MTA3: variants seen among roughly 807,000 people sequenced by gnomAD.
MTA3 encodes the protein metastasis associated 1 family member 3.
MTA3 carries 34 observed loss-of-function variants against 83.5 expected under a neutral mutation model. That is an observed-to-expected ratio of 0.41 (90% CI 0.31 to 0.54). The LOEUF (loss-of-function observed/expected upper bound fraction) is 0.54. MTA3 is among the 20% of genes least tolerant of loss of function. MTA3 has a pLI of 0.33. For synonymous variants in MTA3, 303 were observed against 252.7 expected (o/e 1.20, Z -1.89); for missense variants, 761 against 726.4 (o/e 1.05, Z -0.55).
At position 42,498,558 on chromosome 2, in the gene MTA3, A is replaced by T. The variant is rs115386323; in HGVS notation, c.-141+3304A>T. On this transcript the variant is annotated intron_variant, in intron 2 of 17. Coordinates refer to the MTA3 transcript ENST00000405592. The stretch of plus-strand genomic sequence containing the variant: ...ACATACTTACGGGGGAGGCGCACAC[A>T]TGCATAATTGGTACACATATATGTA... Among the ~76,000 whole-genome samples, 1,091 of 152,294 alleles carry T rather than the reference A, an allele frequency of 7.2e-3. 12 individuals are homozygous for T. The highest frequency in any genetic ancestry group is 0.025 in the African/African-American group (1,057 of 41,550).
At chr2:42,639,887 T>C (rs1262117138) in intron 4 of MTA3, among the ~76,000 whole-genome samples, 2 of 152,188 alleles carry the variant, frequency 1.3e-5, no homozygotes, top group Non-Finnish European at 2.9e-5. Flanking sequence ...TTTTTTTTCT[T>C]GAATAAGTAG....
intron 9 of MTA3, among the ~76,000 whole-genome samples, chr2:42,694,154 C>T (rs1693162478): frequency 1.3e-5 from 2 of 152,178 alleles, no homozygotes; most frequent in Non-Finnish European, 2.9e-5. Context: ...CCTCTTTACT[C>T]TTCACTTTCC....
chr2:42,586,879 T>C (rs1680394193), intron 3 of MTA3, among the ~76,000 whole-genome samples: 1 of 152,066 alleles, frequency 6.6e-6, no homozygotes, highest in Non-Finnish European at 1.5e-5. Flanking sequence ...AAAAATTAGC[T>C]GGGTATGGTG....
chr2:42,636,622 CTTTCTTTTTT>C (rs1158902260), intron 4 of MTA3, among the ~76,000 whole-genome samples: 1 of 145,714 alleles, frequency 6.9e-6, no homozygotes, highest in African/African-American at 2.6e-5. Flanking sequence ...CTTTCTCTTT[CTTTCTTTTTT>C]TTTTTTTTTT....
intron 16 of MTA3, among the ~76,000 whole-genome samples, chr2:42,732,462 C>G (rs1668297897): frequency 6.6e-6 from 1 of 152,202 alleles, no homozygotes; most frequent in African/African-American, 2.4e-5. Flanking sequence ...GCACACAGCA[C>G]AGGGACCCTG....
At chr2:42,586,493 C>G (rs1380314507) in intron 3 of MTA3, among the ~76,000 whole-genome samples, 1 of 146,950 alleles carries the variant, frequency 6.8e-6, no homozygotes, top group Non-Finnish European at 1.5e-5. Context: ...CACACACACA[C>G]ACACACACAC....
intron 3 of MTA3, among the ~76,000 whole-genome samples, chr2:42,603,874 C>G (rs950614386): frequency 6.6e-6 from 1 of 152,058 alleles, no homozygotes; most frequent in African/African-American, 2.4e-5. Flanking sequence ...CCTCAGCCTC[C>G]CCACTACCTG....
At chr2:42,644,525 C>A (rs966102510) in intron 6 of MTA3, among the ~76,000 whole-genome samples, 1 of 152,128 alleles carries the variant, frequency 6.6e-6, no homozygotes, top group African/African-American at 2.4e-5. Context: ...GCCAGCACTT[C>A]CAATTTTAGA....
intron 4 of MTA3, among the ~76,000 whole-genome samples, chr2:42,633,338 A>G (rs1230748501): frequency 1.3e-5 from 2 of 150,868 alleles, no homozygotes; most frequent in Middle Eastern, 3.5e-3. Flanking sequence ...AATCCCAGCA[A>G]TTGGGGGGCC....
At chr2:42,563,883 G>C (rs1390933003), upstream of MTA3, among the ~76,000 whole-genome samples, 1 of 149,594 alleles carries the variant, frequency 6.7e-6, no homozygotes, top group Non-Finnish European at 1.5e-5. Flanking sequence ...GAGTGCAATG[G>C]CGCGATCTCG....
intron 4 of MTA3, among the ~76,000 whole-genome samples, chr2:42,618,398 T>G (rs1391343569): frequency 6.6e-6 from 1 of 152,226 alleles, no homozygotes; most frequent in African/African-American, 2.4e-5. Flanking sequence ...TTCCTCCCGG[T>G]AATGTATTAT....
chr2:42,631,856 G>A (rs1012377469), intron 4 of MTA3, among the ~76,000 whole-genome samples: 3 of 151,386 alleles, frequency 2.0e-5, no homozygotes, highest in East Asian at 2.0e-4. Context: ...TGCCTGCCTA[G>A]TTTTTTTATT....
chr2:42,504,867 A>G (rs923698116), intron 2 of MTA3, among the ~76,000 whole-genome samples: 1 of 152,058 alleles, frequency 6.6e-6, no homozygotes, highest in East Asian at 1.9e-4. Flanking sequence ...AGCTCACTGT[A>G]TAATCATTAA....
At chr2:42,701,291 CAAA>C (rs35602598) in intron 11 of MTA3, among the ~76,000 whole-genome samples, 1 of 69,788 alleles carries the variant, frequency 1.4e-5, no homozygotes, top group Non-Finnish European at 2.6e-5. Context: ...GACCCTGCCT[CAAA>C]AAAAAAAAAA....
chr2:42,585,272 G>C (rs1680134369), intron 3 of MTA3, among the ~76,000 whole-genome samples: 1 of 151,734 alleles, frequency 6.6e-6, no homozygotes, highest in African/African-American at 2.4e-5. Context: ...ATTTTTAGTA[G>C]AGACGGGGTT....
At chr2:42,699,144 C>G (rs933622715) in intron 11 of MTA3, among the ~76,000 whole-genome samples, 1 of 152,178 alleles carries the variant, frequency 6.6e-6, no homozygotes, top group Non-Finnish European at 1.5e-5. Flanking sequence ...GATCAACAAA[C>G]TATAGTCGCA....
chr2:42,516,631 A>C lies in MTA3; in HGVS notation c.-141+21377A>C, dbSNP rs145991934. Among the ~76,000 whole-genome samples, 4 of 152,336 alleles carry C rather than the reference A, an allele frequency of 2.6e-5. No individual in the cohort carries two copies. The East Asian group carries it at 7.7e-4, about 29-fold the overall frequency. ...GGAACTTAGGTCTAGACTTGGAACTATTGAGGAATGTAGTGGTGACAAGCC... is the reference window on the plus strand; with the variant it reads ...GGAACTTAGGTCTAGACTTGGAACTCTTGAGGAATGTAGTGGTGACAAGCC... On this transcript the variant is annotated intron_variant, in intron 2 of 17. Coordinates refer to the MTA3 transcript ENST00000405592.
At chr2:42,617,098 G>T (rs1364032072) in intron 4 of MTA3, among the ~76,000 whole-genome samples, 1 of 152,188 alleles carries the variant, frequency 6.6e-6, no homozygotes, top group Non-Finnish European at 1.5e-5. Flanking sequence ...CAGCAACCAT[G>T]AGAAAGGGAT....
intron 12 of MTA3, 89 bp from the exon 13 acceptor site, chr2:42,707,814 C>G: frequency 6.2e-6 from 8 of 1,294,316 alleles, no homozygotes; most frequent in Non-Finnish European, 8.3e-6. Context: ...CTAAGCATGA[C>G]AAGTATTTTT....
Sources: gnomAD v4.1 joint callset for allele counts (sites outside exome capture counted in the v4.1 genomes callset) on GRCh38, gnomAD v4.1.1 for gene constraint, MANE v1.5 for transcripts, NCBI Gene and HGNC (gene_info 2026-07-23, HGNC 2026-07-21) for gene names.